The following MPO variants were observed in gnomAD, a reference collection of about 807,000 sequenced individuals.
The protein encoded by MPO is myeloperoxidase.
Under a neutral mutation model 69.4 loss-of-function variants are expected in MPO, and 57 were observed. The observed-to-expected ratio is 0.82, with a 90% CI of 0.66 to 1.02. The LOEUF (loss-of-function observed/expected upper bound fraction) is 1.02. Among genes scored for constraint, MPO ranks in the 50% least tolerant of loss-of-function variants. The pLI is 0.00. For missense variants in MPO, 971 were observed against 1,014.1 expected, an observed-to-expected ratio of 0.96 and a Z score of 0.58; for synonymous variants, 426 against 417.1, an observed-to-expected ratio of 1.02 and a Z score of -0.26.
chr17:58,277,728 C>A, intron 7 of MPO, 99 bp downstream of exon 7: 1 of 1,532,750 alleles, frequency 6.5e-7, no homozygotes, highest in South Asian at 1.1e-5. Flanking sequence ...AGGACAGTCT[C>A]TCTAAGTACA....
At chr17:58,278,896 C>T (rs941646591) in intron 6 of MPO, 112 bp downstream of exon 6, 2 of 1,282,996 alleles carry the variant, frequency 1.6e-6, no homozygotes, top group Middle Eastern at 5.2e-4. Flanking sequence ...GGAGGCAGGG[C>T]CAGCCTTCCT....
chr17:58,280,604 C>T lies in MPO; in HGVS notation c.154+1G>A, dbSNP rs780390694. On this transcript the variant is annotated splice_donor_variant, in intron 1 of 11. Coordinates refer to ENST00000225275, the MANE Select transcript of MPO (RefSeq NM_000250.2). LOFTEE classifies it high-confidence loss of function. The stretch of plus-strand genomic sequence containing the variant: ...TCTTCTCCCACCTTGGGAACTGTTA[C>T]CTGGAGCAGCACCTTCAGAGGGCTG... The T allele has an allele frequency of 6.2e-7, 1 of 1,614,202 alleles. No individual in the cohort carries two copies. The highest frequency in any genetic ancestry group is 8.5e-7 in the Non-Finnish European group (1 of 1,180,032).
chr17:58,278,256 G>T, intron 6 of MPO, 111 bp from the exon 7 acceptor site: 3 of 1,231,446 alleles, frequency 2.4e-6, no homozygotes, highest in Non-Finnish European at 3.4e-6. Context: ...CCTGCAGAGA[G>T]GCCTCCGGAG....
intron 8 of MPO, among the ~76,000 whole-genome samples, chr17:58,274,944 A>G (rs560508331): frequency 6.6e-6 from 1 of 152,126 alleles, no homozygotes; most frequent in African/African-American, 2.4e-5. Context: ...AGCTCACTGC[A>G]AGCTCTGCCT....
intron 7 of MPO, among the ~76,000 whole-genome samples, chr17:58,276,317 C>T (rs1970437156): frequency 6.6e-6 from 1 of 152,202 alleles, no homozygotes; most frequent in African/African-American, 2.4e-5. Flanking sequence ...TCAGCCCTGC[C>T]CTTTACTACA....
chr17:58,274,304 AACTC>A (rs1299910153), intron 8 of MPO: 1 of 453,128 alleles, frequency 2.2e-6, no homozygotes, highest in Non-Finnish European at 4.4e-6. Context: ...GCAAATCAAA[AACTC>A]ACCCTTAGCA....
In MPO at chr17:58,270,566, G is replaced by A. The variant is rs1970352970; in HGVS notation, c.*90C>T. The A allele has an allele frequency of 9.5e-7, 1 of 1,049,840 alleles. No individual in the cohort carries two copies. The highest frequency in any genetic ancestry group is 1.6e-5 in the African/African-American group (1 of 63,362). 65.0% of individuals were successfully genotyped at this position (1,049,840 alleles called of 1,614,324 possible). A position where few individuals can be genotyped will look rare whatever the true frequency, so the allele number is the denominator to read the frequency against. On this transcript the variant is annotated 3_prime_UTR_variant, in exon 12 of 12. Coordinates refer to ENST00000225275, the MANE Select transcript of MPO (RefSeq NM_000250.2). The surrounding 1 kb of genome is among the most constrained non-coding windows in gnomAD (Gnocchi z 4.1). ...ATTTTCTCAGCTGCACCCAGAACAGGGCTGGGCTCATCTAGGGCAAGGAGA... is the reference window on the plus strand; with the variant it reads ...ATTTTCTCAGCTGCACCCAGAACAGAGCTGGGCTCATCTAGGGCAAGGAGA...
Position 58,279,096 on chromosome 17 carries a change from G to C in MPO, c.797C>G (p.Thr266Ser), listed in dbSNP as rs139940814. ...GQLLDHDLDF[T>S]PEPAARASFV... ...GGAGGCCCGGGCGGCCGGCTCAGGG[G>C]TGAAGTCGAGGTCGTGGTCCAACAG... The change falls in exon 6 of 12, where the codon ACC becomes AGC. Residue 266 changes from threonine (T) to serine (S), a missense_variant. Physicochemically the swap from Thr to Ser is moderately conservative, Grantham distance 58. Transcript: ENST00000225275. The C allele has an allele frequency of 6.2e-7, 1 of 1,613,060 alleles. No individual in the cohort carries two copies. The highest frequency in any genetic ancestry group is 1.3e-5 in the African/African-American group (1 of 74,938).
In MPO at chr17:58,270,472, C is replaced by T; in HGVS notation, c.*184G>A. ...AAACACTCCCCATGTTCAGACAACACACACGCATGAAAAGCCAATTTATAT... is the reference window on the plus strand; with the variant it reads ...AAACACTCCCCATGTTCAGACAACATACACGCATGAAAAGCCAATTTATAT... On this transcript the variant is annotated 3_prime_UTR_variant, in exon 12 of 12. Coordinates refer to ENST00000225275, the MANE Select transcript of MPO (RefSeq NM_000250.2). The surrounding 1 kb of genome is among the most constrained non-coding windows in gnomAD (Gnocchi z 4.1). 1.5e-6 allele frequency: 1 copy of T among 648,112 alleles called. No individual in the cohort carries two copies. Among genetic ancestry groups the T allele is most frequent in the African/African-American group, 1.8e-5 (1 of 56,034 alleles). 40.1% of individuals were successfully genotyped at this position (648,112 alleles called of 1,614,324 possible).
Position 58,270,994 on chromosome 17 carries a change from A to C in MPO, c.2031-131T>G, listed in dbSNP as rs1970359095. ...CCACCTGGAAGCACAGGAGGGCCCCAGGCCCTTGGGCAGCCCAGGGGCTTT... is the reference window on the plus strand; with the variant it reads ...CCACCTGGAAGCACAGGAGGGCCCCCGGCCCTTGGGCAGCCCAGGGGCTTT... On this transcript the variant is annotated intron_variant, in intron 11 of 11. Transcript: ENST00000225275. The surrounding 1 kb of genome is among the most constrained non-coding windows in gnomAD (Gnocchi z 4.1). The C allele has an allele frequency of 1.0e-6, 1 of 984,272 alleles. No homozygotes were observed. Among genetic ancestry groups the C allele is most frequent in the Non-Finnish European group, 1.6e-6 (1 of 638,700 alleles). 61.0% of individuals were successfully genotyped at this position (984,272 alleles called of 1,614,324 possible). A position where few individuals can be genotyped will look rare whatever the true frequency, so the allele number is the denominator to read the frequency against.
intron 11 of MPO, 142 bp downstream of exon 11, chr17:58,271,513 G>T: frequency 1.2e-6 from 1 of 841,478 alleles, no homozygotes; most frequent in Non-Finnish European, 1.9e-6. Context: ...GCACTCCAGG[G>T]CATCTGGAGG....
At chr17:58,271,988 G>A (rs1189907155) in intron 10 of MPO, 96 bp from the exon 11 acceptor site, 3 of 1,367,586 alleles carry the variant, frequency 2.2e-6, no homozygotes. Flanking sequence ...CATATCGCCA[G>A]CAGCCCAGAA....
At chr17:58,273,364 C>T (rs766993334) in intron 9 of MPO, 50 bp downstream of exon 9, 15 of 1,613,376 alleles carry the variant, frequency 9.3e-6, no homozygotes, top group Non-Finnish European at 1.1e-5. Flanking sequence ...GTGATCCCTA[C>T]CCCACCTTTA....
chr17:58,274,656 C>CA (rs1412932254), intron 8 of MPO, among the ~76,000 whole-genome samples: 2 of 151,410 alleles, frequency 1.3e-5, no homozygotes, highest in African/African-American at 4.9e-5. Flanking sequence ...CCCGTCTCTA[C>CA]AAAAAATACA....
In MPO at chr17:58,270,580, A is replaced by T; in HGVS notation, c.*76T>A. The T allele has an allele frequency of 8.1e-7, 1 of 1,239,368 alleles. No homozygotes were observed. Among genetic ancestry groups the T allele is most frequent in the Non-Finnish European group, 1.2e-6 (1 of 863,234 alleles). 76.8% of individuals were successfully genotyped at this position (1,239,368 alleles called of 1,614,324 possible). The stretch of plus-strand genomic sequence containing the variant: ...ACCCAGAACAGGGCTGGGCTCATCT[A>T]GGGCAAGGAGATCTCCGTGGTTCCA... On this transcript the variant is annotated 3_prime_UTR_variant, in exon 12 of 12. Transcript: ENST00000225275. The surrounding 1 kb of genome is among the most constrained non-coding windows in gnomAD (Gnocchi z 4.1).
chr17:58,270,897 A>G lies in MPO; in HGVS notation c.2031-34T>C, dbSNP rs536611098. 4 of 1,609,298 alleles carry G rather than the reference A, an allele frequency of 2.5e-6. No homozygotes were observed. Among genetic ancestry groups the G allele is most frequent in the South Asian group, 1.1e-5 (1 of 90,934 alleles). ...GGAACACCCATGGACACTGTGCCCA[A>G]GGATATTCTGGGCTGGCAGGGCATC... On this transcript the variant is annotated intron_variant, in intron 11 of 11. Coordinates refer to ENST00000225275, the MANE Select transcript of MPO (RefSeq NM_000250.2). The surrounding 1 kb of genome is among the most constrained non-coding windows in gnomAD (Gnocchi z 4.1).
At position 58,279,041 on chromosome 17, in the gene MPO, G is replaced by C. The variant is rs1304788855; in HGVS notation, c.852C>G (p.Ser284Arg). 5.0e-6 allele frequency: 8 copies of C among 1,612,130 alleles called. No homozygotes were observed. Among genetic ancestry groups the C allele is most frequent in the Admixed American group, 1.7e-5 (1 of 59,870 alleles). Residue 284 changes from serine (S) to arginine (R), a missense_variant, in exon 6 of 12, where the codon AGC becomes AGG. Ser to Arg is a moderately radical substitution (Grantham distance 110). Transcript: ENST00000225275. ...GGAAGCAGGGCGGCTGCTGAACGCA[G>C]CTGGTCTCGCAGTTGACGCCAGTGA... ...SFVTGVNCET[S>R]CVQQPPCFPL... is the part of the protein sequence containing the mutation.
At chr17:58,279,784 C>T in intron 3 of MPO, 55 bp downstream of exon 3, 2 of 1,613,288 alleles carry the variant, frequency 1.2e-6, no homozygotes, top group Non-Finnish European at 1.7e-6. Flanking sequence ...CGGCTGGGGT[C>T]CCTAGGAGGA....
At chr17:58,279,685 C>G (rs1970488455) in intron 3 of MPO, 39 bp from the exon 4 acceptor site, 2 of 1,613,894 alleles carry the variant, frequency 1.2e-6, no homozygotes, top group Admixed American at 1.7e-5. Flanking sequence ...TGAGCCGCCT[C>G]ACTTCCTATC....
Sources: gnomAD v4.1 joint callset for allele counts (sites outside exome capture counted in the v4.1 genomes callset) on GRCh38, gnomAD v4.1.1 for gene constraint, Gnocchi (gnomAD v3.1) non-coding constraint, MANE v1.5 for transcripts, NCBI Gene and HGNC (gene_info 2026-07-23, HGNC 2026-07-21) for gene names.